SLC14A2: variants seen among roughly 807,000 people sequenced by gnomAD.
The protein encoded by SLC14A2 is solute carrier family 14 member 2, also known as urea transporter 2.
A neutral mutation model predicts 104.6 loss-of-function variants in SLC14A2; 91 were observed. That is an observed-to-expected ratio of 0.87 (90% CI 0.73 to 1.04). SLC14A2 has a LOEUF of 1.04. SLC14A2 is among the 50% of genes least tolerant of loss of function. The pLI is 0.00. For synonymous variants in SLC14A2, 476 were observed against 466.4 expected (o/e 1.02, Z -0.27); for missense variants, 1,189 against 1,156.0 (o/e 1.03, Z -0.41).
At chr18:45,385,740 A>T (rs1598742538) in intron 1 of SLC14A2, among the ~76,000 whole-genome samples, 2 of 152,322 alleles carry the variant, frequency 1.3e-5, no homozygotes, top group East Asian at 3.9e-4. Flanking sequence ...ACTGACATTG[A>T]TTAGGACTGA....
At chr18:45,526,727 G>A (rs2043598259) in intron 2 of SLC14A2, among the ~76,000 whole-genome samples, 1 of 152,044 alleles carries the variant, frequency 6.6e-6, no homozygotes, top group Non-Finnish European at 1.5e-5. Context: ...TGGGGAAGAG[G>A]AAGGGGAAAT....
intron 1 of SLC14A2, among the ~76,000 whole-genome samples, chr18:45,341,596 T>C (rs1395365169): frequency 1.1e-5 from 1 of 90,906 alleles, no homozygotes; most frequent in Admixed American, 1.1e-4. Context: ...CTAGTATTAC[T>C]TTTTTTTTTT....
In SLC14A2 at chr18:45,536,264, T is replaced by C. The variant is rs182064997; in HGVS notation, c.-35+52942T>C. 1.2e-4 allele frequency among the ~76,000 whole-genome samples: 18 copies of C among 152,348 alleles called. No homozygotes were observed. In the East Asian group the frequency reaches 3.3e-3, roughly 28 times the overall value. On this transcript the variant is annotated intron_variant, in intron 2 of 20. Transcript: ENST00000586448. The stretch of plus-strand genomic sequence containing the variant: ...CTTGAACAAGAAAGCATAAAATGTG[T>C]ATTAATTTCCCAGTACCTGGGTACT...
chr18:45,320,185 T>C (rs1334861555), intron 1 of SLC14A2, among the ~76,000 whole-genome samples: 3 of 152,204 alleles, frequency 2.0e-5, no homozygotes, highest in Non-Finnish European at 4.4e-5. Flanking sequence ...GTGCTTTATC[T>C]CTTGTTTCCT....
chr18:45,261,115 A>C (rs1010757303), intron 1 of SLC14A2, among the ~76,000 whole-genome samples: 15 of 151,888 alleles, frequency 9.9e-5, no homozygotes, highest in Middle Eastern at 3.2e-3. Context: ...TGCACCCATT[A>C]ACTCGTCATT....
At chr18:45,509,958 A>C (rs1364432684) in intron 2 of SLC14A2, among the ~76,000 whole-genome samples, 1 of 152,168 alleles carries the variant, frequency 6.6e-6, no homozygotes, top group African/African-American at 2.4e-5. Context: ...ACAGAAGGGG[A>C]ACCTGAAATC....
chr18:45,542,220 A>C (rs1295399494), intron 2 of SLC14A2: 1 of 151,686 alleles, frequency 6.6e-6, no homozygotes, highest in Non-Finnish European at 1.5e-5. Context: ...TAATTCTCAG[A>C]GGGCATGGCT....
chr18:45,653,131 G>A (rs1178855639), intron 10 of SLC14A2, among the ~76,000 whole-genome samples: 1 of 151,996 alleles, frequency 6.6e-6, no homozygotes, highest in East Asian at 1.9e-4. Flanking sequence ...AAAACGTGAA[G>A]GCTCCGTGTT....
intron 2 of SLC14A2, among the ~76,000 whole-genome samples, chr18:45,605,742 T>C (rs1338165696): frequency 6.6e-6 from 1 of 152,140 alleles, no homozygotes; most frequent in Non-Finnish European, 1.5e-5. Context: ...AATGCAATGA[T>C]TTTTCTTCTG....
chr18:45,632,534 G>A, intron 5 of SLC14A2, 56 bp downstream of exon 5: 2 of 1,588,032 alleles, frequency 1.3e-6, no homozygotes, highest in Non-Finnish European at 1.7e-6. Context: ...AGACACTTGT[G>A]TCTTATACTG....
Position 45,679,010 on chromosome 18 carries a change from A to C in SLC14A2, c.2548A>C (p.Asn850His). Residue 850 changes from asparagine to histidine, a missense_variant, in exon 19 of 20, where the codon AAC (asparagine) becomes CAC (histidine). Transcript: ENST00000255226. ...TGCCTACCTGGGTGCTGCCCTGGCTAACATGTTATCTGTGGTGAGTCAACA... is the reference window on the plus strand; with the variant it reads ...TGCCTACCTGGGTGCTGCCCTGGCTCACATGTTATCTGTGGTGAGTCAACA... ...FAAYLGAALA[N>H]MLSVFGLPPC... 6.2e-7 allele frequency: 1 copy of C among 1,604,464 alleles called. No individual in the cohort carries two copies. The highest frequency in any genetic ancestry group is 8.5e-7 in the Non-Finnish European group (1 of 1,177,944).
intron 1 of SLC14A2, among the ~76,000 whole-genome samples, chr18:45,420,954 T>C (rs2086339403): frequency 6.6e-6 from 1 of 152,118 alleles, no homozygotes; most frequent in African/African-American, 2.4e-5. Flanking sequence ...TTGGCCAGAA[T>C]GATCTCAATC....
At chr18:45,381,252 C>A (rs1455831504) in intron 1 of SLC14A2, among the ~76,000 whole-genome samples, 1 of 152,222 alleles carries the variant, frequency 6.6e-6, no homozygotes, top group African/African-American at 2.4e-5. Flanking sequence ...CCATCTCACA[C>A]AATGCAGTCT....
At chr18:45,576,118 G>T (rs1299216671) in intron 2 of SLC14A2, among the ~76,000 whole-genome samples, 1 of 152,136 alleles carries the variant, frequency 6.6e-6, no homozygotes. Context: ...ACTTATGACT[G>T]TAACAAACTG....
chr18:45,449,863 C>G (rs999812506), intron 1 of SLC14A2, among the ~76,000 whole-genome samples: 19 of 152,110 alleles, frequency 1.2e-4, no homozygotes, highest in African/African-American at 4.3e-4. Context: ...TCTAGGCGAC[C>G]AACAGATTGG....
At chr18:45,457,376 A>T (rs537556077) in intron 1 of SLC14A2, among the ~76,000 whole-genome samples, 2 of 152,286 alleles carry the variant, frequency 1.3e-5, no homozygotes, top group African/African-American at 4.8e-5. Flanking sequence ...GAGAAGCAAC[A>T]TGCAGGGGGT....
At chr18:45,211,581 T>C (rs1191735707), upstream of SLC14A2, among the ~76,000 whole-genome samples, 2 of 152,160 alleles carry the variant, frequency 1.3e-5, no homozygotes, top group African/African-American at 4.8e-5. Context: ...TTCTCTTTCC[T>C]CCTTCTTACT....
At chr18:45,217,076 T>C (rs1257681351) in intron 1 of SLC14A2, among the ~76,000 whole-genome samples, 1 of 151,960 alleles carries the variant, frequency 6.6e-6, no homozygotes, top group African/African-American at 2.4e-5. Context: ...TTCATAACCT[T>C]TATGTCTCTG....
intron 1 of SLC14A2, among the ~76,000 whole-genome samples, chr18:45,469,654 C>T (rs2087209372): frequency 6.6e-6 from 1 of 152,142 alleles, no homozygotes; most frequent in Admixed American, 6.6e-5. Context: ...GGGTTGGAGG[C>T]AAAGAAGGCT....
Sources: gnomAD v4.1 joint callset for allele counts (sites outside exome capture counted in the v4.1 genomes callset) on GRCh38, gnomAD v4.1.1 for gene constraint, MANE v1.5 for transcripts, NCBI Gene and HGNC (gene_info 2026-07-23, HGNC 2026-07-21) for gene names.